The following IGF1R variants were observed in gnomAD, a reference collection of about 807,000 sequenced individuals.
The protein encoded by IGF1R is insulin-like growth factor 1 receptor.
IGF1R carries 44 observed loss-of-function variants against 144.6 expected under a neutral mutation model. That is an observed-to-expected ratio of 0.30 (90% confidence interval 0.24 to 0.39). IGF1R has a LOEUF of 0.39. IGF1R is among the 10% of genes least tolerant of loss of function. The probability of loss-of-function intolerance (pLI) is 1.00; values close to 1 mark genes in which losing one functional copy is unlikely to be tolerated. For missense variants in IGF1R, 1,355 were observed against 1,833.7 expected, an observed-to-expected ratio of 0.74 and a Z score of 4.77; for synonymous variants, 795 against 722.8, an observed-to-expected ratio of 1.10 and a Z score of -1.60.
intron 6 of IGF1R, among the ~76,000 whole-genome samples, chr15:98,910,061 G>A (rs551659528): frequency 2.6e-5 from 4 of 152,196 alleles, no homozygotes; most frequent in Non-Finnish European, 5.9e-5. Flanking sequence ...AATCAGAACC[G>A]ATGCGTGTTT....
intron 2 of IGF1R, among the ~76,000 whole-genome samples, chr15:98,722,248 G>A (rs568101084): frequency 7.2e-5 from 11 of 152,280 alleles, no homozygotes; most frequent in Admixed American, 2.6e-4. Context: ...TACGACTTTT[G>A]CCAGAAGAGA....
intron 2 of IGF1R, among the ~76,000 whole-genome samples, chr15:98,883,122 T>C (rs2013462092): frequency 6.6e-6 from 1 of 152,238 alleles, no homozygotes; most frequent in Non-Finnish European, 1.5e-5. Context: ...TTGTTTCTTT[T>C]TGGCATTGAG....
At chr15:98,697,285 C>T (rs1490486547) in intron 1 of IGF1R, among the ~76,000 whole-genome samples, 2 of 152,192 alleles carry the variant, frequency 1.3e-5, no homozygotes, top group Non-Finnish European at 2.9e-5. Context: ...ATAGTGAGAA[C>T]CTGCCACTGT....
chr15:98,797,120 C>T (rs1788267808), intron 2 of IGF1R, among the ~76,000 whole-genome samples: 1 of 152,236 alleles, frequency 6.6e-6, no homozygotes, highest in African/African-American at 2.4e-5. Context: ...TTGTTCCTGG[C>T]TTCTCTATGG....
intron 17 of IGF1R, 98 bp from the exon 18 acceptor site, chr15:98,939,103 C>A: frequency 2.0e-6 from 2 of 988,032 alleles, no homozygotes; most frequent in Non-Finnish European, 3.2e-6. Context: ...ACCCACGGTG[C>A]CCAGATTGAA....
intron 2 of IGF1R, among the ~76,000 whole-genome samples, chr15:98,829,385 G>C (rs900098424): frequency 1.3e-5 from 2 of 150,514 alleles, no homozygotes; most frequent in South Asian, 2.1e-4. Flanking sequence ...AAAAAAACTT[G>C]AGGTTTGGTT....
intron 2 of IGF1R, among the ~76,000 whole-genome samples, chr15:98,849,276 C>G (rs1185373123): frequency 6.6e-6 from 1 of 152,156 alleles, no homozygotes; most frequent in Non-Finnish European, 1.5e-5. Context: ...GGTAGCTTCA[C>G]AAATCATTGG....
Position 98,707,337 on chromosome 15 carries a change from G to T in IGF1R, c.95-225G>T, listed in dbSNP as rs562049304. ...GGCCTCTCCCATGGTCGGTTGGAGT[G>T]TGTTGCACAGCGTCTGGTCCAGTGT... On this transcript the variant is annotated intron_variant, in intron 1 of 20. Coordinates refer to ENST00000650285, the MANE Select transcript of IGF1R (RefSeq NM_000875.5). This position sits in a 1 kb window ranked among gnomAD's most constrained non-coding sequence, Gnocchi z 6.7. 4.4e-4 allele frequency among the ~76,000 whole-genome samples: 67 copies of T among 152,298 alleles called. 1 individual carries two copies. The highest frequency in any genetic ancestry group is 6.8e-3 in the Middle Eastern group (2 of 294).
chr15:98,796,157 G>A (rs1567133215), intron 2 of IGF1R, among the ~76,000 whole-genome samples: 1 of 97,200 alleles, frequency 1.0e-5, no homozygotes, highest in African/African-American at 3.0e-5. Flanking sequence ...GGCTGTGTGG[G>A]CCCAGCATCG....
intron 4 of IGF1R, among the ~76,000 whole-genome samples, chr15:98,899,025 A>G (rs867638230): frequency 3.3e-5 from 5 of 152,228 alleles, no homozygotes; most frequent in South Asian, 4.1e-4. Context: ...GAACCTTTAA[A>G]TATAGATCCC....
At chr15:98,718,167 C>T (rs1354577783) in intron 2 of IGF1R, among the ~76,000 whole-genome samples, 6 of 152,178 alleles carry the variant, frequency 3.9e-5, no homozygotes, top group South Asian at 2.1e-4. Context: ...GGCCTCTGCC[C>T]GAAGCCGGGC....
chr15:98,702,270 G>A (rs1034755776), intron 1 of IGF1R, among the ~76,000 whole-genome samples: 2 of 152,090 alleles, frequency 1.3e-5, no homozygotes, highest in Admixed American at 6.5e-5. Flanking sequence ...TCTGCCTCTT[G>A]ATCTTTAGAA....
chr15:98,708,160 C>G, intron 2 of IGF1R, 53 bp downstream of exon 2: 2 of 1,439,128 alleles, frequency 1.4e-6, no homozygotes, highest in Non-Finnish European at 1.9e-6. Context: ...CTCCTCTCCT[C>G]CTCCTTGACC....
At chr15:98,665,853 AC>A (rs1415562593) in intron 1 of IGF1R, among the ~76,000 whole-genome samples, 2 of 152,358 alleles carry the variant, frequency 1.3e-5, no homozygotes, top group Admixed American at 1.3e-4. Flanking sequence ...CCTGGATCGC[AC>A]AAGGTCTTCC....
chr15:98,740,079 G>A (rs1596254657), intron 2 of IGF1R, among the ~76,000 whole-genome samples: 2 of 152,198 alleles, frequency 1.3e-5, no homozygotes, highest in African/African-American at 4.8e-5. Context: ...CAGAGCATGC[G>A]TAGATAGTGC....
At chr15:98,803,319 G>A (rs1329846595) in intron 2 of IGF1R, among the ~76,000 whole-genome samples, 1 of 152,008 alleles carries the variant, frequency 6.6e-6, no homozygotes, top group African/African-American at 2.4e-5. Context: ...GCATAGATAA[G>A]GTGCAGTAAA....
intron 18 of IGF1R, 35 bp downstream of exon 18, chr15:98,939,395 T>C (rs753000930): frequency 1.2e-6 from 2 of 1,609,762 alleles, no homozygotes; most frequent in South Asian, 2.2e-5. Context: ...GGGCAAGAAC[T>C]AAACTCAGGT....
Position 98,867,929 on chromosome 15 carries a change from A to G in IGF1R, c.641-23396A>G, listed in dbSNP as rs147230182. The stretch of plus-strand genomic sequence containing the variant: ...AAATAGCCAAATCCAGGCCAGGCGC[A>G]GTGGCTCGTGTCTCCAATGTCAGCA... On this transcript the variant is annotated intron_variant, in intron 2 of 20. Transcript: ENST00000650285. Among the ~76,000 whole-genome samples, 1,416 of 152,302 alleles carry G rather than the reference A, an allele frequency of 9.3e-3. 9 individuals are homozygous for G. Among genetic ancestry groups the G allele is most frequent in the Admixed American group, 0.015 (224 of 15,300 alleles).
At chr15:98,821,304 G>T (rs1012856597) in intron 2 of IGF1R, among the ~76,000 whole-genome samples, 1 of 149,034 alleles carries the variant, frequency 6.7e-6, no homozygotes, top group Non-Finnish European at 1.5e-5. Flanking sequence ...TTTTTAAACT[G>T]ATTTTACCAT....
Sources: allele counts gnomAD v4.1 joint callset (sites outside exome capture counted in the v4.1 genomes callset), GRCh38; gene constraint gnomAD v4.1.1; non-coding constraint Gnocchi (gnomAD v3.1); transcripts MANE v1.5; gene names NCBI Gene and HGNC (gene_info 2026-07-23, HGNC 2026-07-21).